Variants in OR2H1 observed in about 807,000 individuals in gnomAD.
The protein encoded by OR2H1 is olfactory receptor family 2 subfamily H member 1, also known as olfactory receptor 2H1.
For synonymous variants in OR2H1, 155 were observed against 155.2 expected, an observed-to-expected ratio of 1.00 and a Z score of 0.01; for missense variants, 380 against 367.3, an observed-to-expected ratio of 1.03 and a Z score of -0.28.
Position 29,462,378 on chromosome 6 carries a change from C to T in OR2H1, c.609C>T (p.Ile203=), listed in dbSNP as rs1403691426. ...TCCAGTTGGCTGTGTCCAGTGTCAT[C>T]TTCGTGGTTGTGCCTCTCAGCCTCA... ...NEIQLAVSSV[I]FVVVPLSLIL... The change falls in exon 4 of 4, where the codon ATC becomes ATT. Residue 203 remains isoleucine, a synonymous_variant. Transcript: ENST00000377133. 1 of 1,613,128 alleles carries T rather than the reference C, an allele frequency of 6.2e-7. No homozygotes were observed.
Position 29,460,892 on chromosome 6 carries a change from A to T in OR2H1, c.-276+438A>T, listed in dbSNP as rs372652841. 2.0e-5 allele frequency: 3 copies of T among 152,250 alleles called. No individual in the cohort carries two copies. The East Asian group carries it at 5.8e-4, about 29-fold the overall frequency. 9.4% of individuals were successfully genotyped at this position (152,250 alleles called of 1,614,324 possible). ...TTCTTCTAGATCCTGAATAATTTCT[A>T]CTTAAACGTCCCAATATCAACTCTC... is the stretch of plus-strand genomic sequence containing the variant. On this transcript the variant is annotated intron_variant, in intron 3 of 3. Coordinates refer to ENST00000377133, the MANE Select transcript of OR2H1 (RefSeq NM_030883.5).
intron 1 of OR2H1, among the ~76,000 whole-genome samples, chr6:29,458,095 G>A (rs1786675799): frequency 6.6e-6 from 1 of 152,122 alleles, no homozygotes; most frequent in Non-Finnish European, 1.5e-5. Flanking sequence ...TTACTGGATT[G>A]AGGAAAAGAA....
In OR2H1 at chr6:29,461,564, G is replaced by C. The variant is rs1239150414; in HGVS notation, c.-206G>C. 3.9e-6 allele frequency: 2 copies of C among 519,478 alleles called. No individual in the cohort carries two copies. Among genetic ancestry groups the C allele is most frequent in the Non-Finnish European group, 6.8e-6 (2 of 294,014 alleles). 32.2% of individuals were successfully genotyped at this position (519,478 alleles called of 1,614,324 possible). On this transcript the variant is annotated 5_prime_UTR_variant, in exon 4 of 4. Coordinates refer to ENST00000377133, the MANE Select transcript of OR2H1 (RefSeq NM_030883.5). ...ATTCTTGGTTTCCTCACTTCTGCTAGACAACGTTTGATCAGAAGGAACAGG... is the reference window on the plus strand; with the variant it reads ...ATTCTTGGTTTCCTCACTTCTGCTACACAACGTTTGATCAGAAGGAACAGG...
At position 29,461,525 on chromosome 6, in the gene OR2H1, C is replaced by T. The variant is rs148113895; in HGVS notation, c.-245C>T. Reference sequence around the variant, plus strand: ...CAGAGGCACCAATGTGAGGTTCCACCTGCTTTCCAGCACATTCTTGGTTTC... The same window carrying T: ...CAGAGGCACCAATGTGAGGTTCCACTTGCTTTCCAGCACATTCTTGGTTTC... On this transcript the variant is annotated 5_prime_UTR_variant, in exon 4 of 4. Transcript: ENST00000377133. The T allele has an allele frequency of 2.5e-4, 120 of 475,558 alleles. 1 individual carries two copies. In the East Asian group the frequency reaches 3.7e-3, roughly 15 times the overall value. The allele number at this position is 475,558 out of a possible 1,614,324, so 29.5% of individuals were successfully genotyped here.
In OR2H1 at chr6:29,463,671, C is replaced by T. The variant is rs114121257; in HGVS notation, c.*951C>T. ...TCATTTCTGGTTCTTACCGTGTTAG[C>T]TTAGTTCATTCAAGCTACTATCACA... On this transcript the variant is annotated 3_prime_UTR_variant, in exon 4 of 4. Coordinates refer to ENST00000377133, the MANE Select transcript of OR2H1 (RefSeq NM_030883.5). 1.1e-3 allele frequency: 189 copies of T among 167,136 alleles called. No individual in the cohort carries two copies. Among genetic ancestry groups the T allele is most frequent in the Non-Finnish European group, 2.2e-3 (150 of 68,102 alleles). The allele number at this position is 167,136 out of a possible 1,614,324, so 10.4% of individuals were successfully genotyped here.
At chr6:29,460,879 C>T (rs1044241522) in intron 3 of OR2H1, 1 of 151,834 alleles carries the variant, frequency 6.6e-6, no homozygotes, top group Admixed American at 6.6e-5. Flanking sequence ...CTTCTAGATC[C>T]TGAATAATTT....
chr6:29,457,870 A>T (rs1166181631), intron 1 of OR2H1, among the ~76,000 whole-genome samples: 2 of 152,126 alleles, frequency 1.3e-5, no homozygotes, highest in African/African-American at 4.8e-5. Context: ...TGCCAAAGGG[A>T]ACTCAGTTGC....
chr6:29,461,803 C>T lies in OR2H1; in HGVS notation c.34C>T (p.Leu12Phe), dbSNP rs774962344. 6.2e-7 allele frequency: 1 copy of T among 1,613,014 alleles called. No individual in the cohort carries two copies. Among genetic ancestry groups the T allele is most frequent in the South Asian group, 1.1e-5 (1 of 91,080 alleles). ...CCAAAGCTCCCCCATGGGCTTCCTC[C>T]TTCTGGGCTTCTCTGAACACCCAGC... ...VNQSSPMGFL[L>F]LGFSEHPALE... The change falls in exon 4 of 4, where the codon CTT (leucine) becomes TTT (phenylalanine). Residue 12 changes from leucine (L) to phenylalanine (F), a missense_variant. Physicochemically the swap from Leu to Phe is conservative, Grantham distance 22. Coordinates refer to ENST00000377133, the MANE Select transcript of OR2H1 (RefSeq NM_030883.5).
chr6:29,457,988 T>C (rs984916895), intron 1 of OR2H1, among the ~76,000 whole-genome samples: 7 of 152,236 alleles, frequency 4.6e-5, no homozygotes, highest in Non-Finnish European at 1.0e-4. Flanking sequence ...ATTAATGAGC[T>C]ACTTCTCTCT....
intron 2 of OR2H1, among the ~76,000 whole-genome samples, chr6:29,459,234 C>G (rs1582662995): frequency 6.6e-6 from 1 of 152,020 alleles, no homozygotes; most frequent in South Asian, 2.1e-4. Context: ...TAAAAAGGAA[C>G]GATACATTTA....
rs752886231 is a variant in OR2H1, at chr6:29,461,878, C to T, written c.109C>T (p.Leu37=). ...TGTCTTCACTTCCTACCTCTTGACC[C>T]TGGTGGGCAACACACTCATCATCCT... ...VVVFTSYLLT[L]VGNTLIILLS... is the part of the protein sequence containing the mutation. The change falls in exon 4 of 4, where the codon CTG becomes TTG. Residue 37 remains leucine (L), a synonymous_variant. Coordinates refer to ENST00000377133, the MANE Select transcript of OR2H1 (RefSeq NM_030883.5). 2.3e-5 allele frequency: 37 copies of T among 1,612,972 alleles called. No homozygotes were observed. The highest frequency in any genetic ancestry group is 7.7e-5 in the South Asian group (7 of 91,082).
At position 29,461,828 on chromosome 6, in the gene OR2H1, C is replaced by G; in HGVS notation, c.59C>G (p.Ala20Gly). The part of the protein sequence containing the change: ...FLLLGFSEHP[A>G]LERTLFVVVF... ...CTTCTGGGCTTCTCTGAACACCCAG[C>G]ACTGGAAAGGACTCTCTTTGTGGTT... is the stretch of plus-strand genomic sequence containing the variant. Residue 20 changes from alanine (A) to glycine (G), a missense_variant, in exon 4 of 4, where the codon GCA (alanine) becomes GGA (glycine). Coordinates refer to ENST00000377133, the MANE Select transcript of OR2H1 (RefSeq NM_030883.5). 6.2e-7 allele frequency: 1 copy of G among 1,613,092 alleles called. No individual in the cohort carries two copies. Among genetic ancestry groups the G allele is most frequent in the South Asian group, 1.1e-5 (1 of 91,076 alleles).
In OR2H1 at chr6:29,458,503, C is replaced by T. The variant is rs1049153756; in HGVS notation, c.-393C>T. The T allele has an allele frequency of 6.6e-6, 1 of 152,232 alleles. No individual in the cohort carries two copies. Among genetic ancestry groups the T allele is most frequent in the Non-Finnish European group, 1.5e-5 (1 of 68,064 alleles). 9.4% of individuals were successfully genotyped at this position (152,232 alleles called of 1,614,324 possible). A position where few individuals can be genotyped will look rare whatever the true frequency, so the allele number is the denominator to read the frequency against. ...ATCACAAGTGGAGGCTCCAACCAGTCCAGAAGTTCCTTTCTATGGGGAAGC... is the reference window on the plus strand; with the variant it reads ...ATCACAAGTGGAGGCTCCAACCAGTTCAGAAGTTCCTTTCTATGGGGAAGC... On this transcript the variant is annotated 5_prime_UTR_variant, in exon 2 of 4. Coordinates refer to ENST00000377133, the MANE Select transcript of OR2H1 (RefSeq NM_030883.5).
intron 2 of OR2H1, 147 bp from the exon 3 acceptor site, chr6:29,460,257 G>A (rs1452810174): frequency 6.6e-6 from 1 of 151,982 alleles, no homozygotes; most frequent in Non-Finnish European, 1.5e-5. Flanking sequence ...CCAGGCTGGA[G>A]TGTAATGGCA....
At position 29,461,805 on chromosome 6, in the gene OR2H1, T is replaced by C. The variant is rs1480809106; in HGVS notation, c.36T>C (p.Leu12=). The C allele has an allele frequency of 1.2e-6, 2 of 1,613,018 alleles. No homozygotes were observed. The highest frequency in any genetic ancestry group is 1.1e-5 in the South Asian group (1 of 91,082). The part of the protein sequence containing the change: ...VNQSSPMGFL[L]LGFSEHPALE... ...AAAGCTCCCCCATGGGCTTCCTCCT[T>C]CTGGGCTTCTCTGAACACCCAGCAC... Residue 12 remains leucine (L), a synonymous_variant, in exon 4 of 4, where the codon CTT becomes CTC. Coordinates refer to ENST00000377133, the MANE Select transcript of OR2H1 (RefSeq NM_030883.5).
chr6:29,460,666 C>T (rs1311705764), intron 3 of OR2H1, among the ~76,000 whole-genome samples: 5 of 152,022 alleles, frequency 3.3e-5, no homozygotes, highest in Non-Finnish European at 7.4e-5. Flanking sequence ...AATATAATTG[C>T]ATATGCAAAG....
In OR2H1 at chr6:29,462,550, A is replaced by C. The variant is rs1362237908; in HGVS notation, c.781A>C (p.Lys261Gln). The change falls in exon 4 of 4, where the codon AAA (lysine) becomes CAA (glutamine). Residue 261 changes from lysine to glutamine, a missense_variant. Coordinates refer to ENST00000377133, the MANE Select transcript of OR2H1 (RefSeq NM_030883.5). ...AGTCATTGCTGTCTACCTCCAGCCC[A>C]AAAATCCGTATGCCCAAGGGAGGGG... ...SSVIAVYLQP[K>Q]NPYAQGRGKF... is the part of the protein sequence containing the mutation. 1.2e-6 allele frequency: 2 copies of C among 1,612,946 alleles called. No individual in the cohort carries two copies. The highest frequency in any genetic ancestry group is 1.1e-5 in the South Asian group (1 of 91,074).
chr6:29,458,028 C>T (rs1462979212), intron 1 of OR2H1, among the ~76,000 whole-genome samples: 2 of 152,180 alleles, frequency 1.3e-5, no homozygotes, highest in African/African-American at 4.8e-5. Context: ...ATTCCTCCCC[C>T]CATCATCTCA....
At position 29,462,544 on chromosome 6, in the gene OR2H1, C is replaced by T. The variant is rs768596796; in HGVS notation, c.775C>T (p.Gln259Ter). 5.6e-6 allele frequency: 9 copies of T among 1,612,984 alleles called. No homozygotes were observed. The highest frequency in any genetic ancestry group is 5.0e-5 in the Admixed American group (3 of 60,018). ...CAGCTCAGTCATTGCTGTCTACCTCCAGCCCAAAAATCCGTATGCCCAAGG... is the reference window on the plus strand; with the variant it reads ...CAGCTCAGTCATTGCTGTCTACCTCTAGCCCAAAAATCCGTATGCCCAAGG... Reference protein sequence around the residue: ...FYSSVIAVYLQPKNPYAQGRG... With the variant: ...FYSSVIAVYL Residue 259 changes from glutamine (Q) to a stop codon, truncating the protein, a stop_gained, in exon 4 of 4, where the codon CAG becomes TAG. Coordinates refer to ENST00000377133, the MANE Select transcript of OR2H1 (RefSeq NM_030883.5). LOFTEE classifies it low-confidence loss of function (END_TRUNC).
Sources: gnomAD v4.1 joint callset for allele counts (sites outside exome capture counted in the v4.1 genomes callset) on GRCh38, gnomAD v4.1.1 for gene constraint, MANE v1.5 for transcripts, NCBI Gene and HGNC (gene_info 2026-07-23, HGNC 2026-07-21) for gene names.